Variants in ZNF521 observed in about 807,000 individuals in gnomAD.
The protein encoded by ZNF521 is zinc finger protein 521.
A neutral mutation model predicts 105.5 loss-of-function variants in ZNF521; 14 were observed. That is an observed-to-expected ratio of 0.13 (90% CI 0.09 to 0.21). The LOEUF (loss-of-function observed/expected upper bound fraction) is 0.21. ZNF521 is among the 10% of genes least tolerant of loss of function. ZNF521 has a pLI of 1.00. For synonymous variants in ZNF521, 635 were observed against 606.0 expected, an observed-to-expected ratio of 1.05 and a Z score of -0.70; for missense variants, 1,233 against 1,629.7, an observed-to-expected ratio of 0.76 and a Z score of 4.19.
At chr18:25,292,311 A>G (rs1231060897) in intron 3 of ZNF521, among the ~76,000 whole-genome samples, 1 of 152,172 alleles carries the variant, frequency 6.6e-6, no homozygotes, top group African/African-American at 2.4e-5. Flanking sequence ...ATTTCATTTC[A>G]TCATTATTTG....
chr18:25,132,286 T>C (rs2034654691), intron 5 of ZNF521, among the ~76,000 whole-genome samples: 1 of 152,212 alleles, frequency 6.6e-6, no homozygotes, highest in East Asian at 1.9e-4. Flanking sequence ...AGCAGACTAG[T>C]GTTTTATAAC....
chr18:25,119,992 G>A (rs975951622), intron 5 of ZNF521, among the ~76,000 whole-genome samples: 3 of 152,084 alleles, frequency 2.0e-5, no homozygotes, highest in Admixed American at 1.3e-4. Flanking sequence ...CGAATAAGTG[G>A]CACTATTAAT....
At chr18:25,278,694 TAAAGTG>T (rs1489042815) in intron 3 of ZNF521, among the ~76,000 whole-genome samples, 4 of 152,212 alleles carry the variant, frequency 2.6e-5, no homozygotes, top group Non-Finnish European at 5.9e-5. Flanking sequence ...CACTGTAATT[TAAAGTG>T]AAAGCAGTCA....
At chr18:25,139,008 A>G (rs890095393) in intron 5 of ZNF521, among the ~76,000 whole-genome samples, 1 of 152,178 alleles carries the variant, frequency 6.6e-6, no homozygotes, top group Non-Finnish European at 1.5e-5. Flanking sequence ...ACTCTTTTCT[A>G]TATCAAGAAG....
intron 5 of ZNF521, among the ~76,000 whole-genome samples, chr18:25,095,551 A>G (rs2033834263): frequency 6.6e-6 from 1 of 152,104 alleles, no homozygotes; most frequent in Non-Finnish European, 1.5e-5. Context: ...TTGCTTATCT[A>G]TATTCTCCAG....
At chr18:25,162,851 AG>A (rs1310476885) in intron 5 of ZNF521, among the ~76,000 whole-genome samples, 1 of 152,178 alleles carries the variant, frequency 6.6e-6, no homozygotes, top group Non-Finnish European at 1.5e-5. Context: ...ATCTTACAGG[AG>A]GCATTAGGTT....
chr18:25,090,433 C>T (rs140118402), intron 6 of ZNF521, among the ~76,000 whole-genome samples: 18 of 152,252 alleles, frequency 1.2e-4, no homozygotes, highest in African/African-American at 4.3e-4. Context: ...GAATATTGTT[C>T]TTGTGAGTCA....
intron 5 of ZNF521, among the ~76,000 whole-genome samples, chr18:25,114,678 C>G (rs1600049814): frequency 6.6e-6 from 1 of 152,230 alleles, no homozygotes; most frequent in South Asian, 2.1e-4. Flanking sequence ...AAGCAAACAC[C>G]TACCACACAA....
chr18:25,295,651 A>G (rs1229241756), intron 3 of ZNF521, among the ~76,000 whole-genome samples: 1 of 152,204 alleles, frequency 6.6e-6, no homozygotes, highest in Non-Finnish European at 1.5e-5. Flanking sequence ...AAAATGATAA[A>G]TAAAATACAT....
rs568606123 is a variant in ZNF521, at chr18:25,246,628, T to A, written c.221-18931A>T. 3.3e-5 allele frequency among the ~76,000 whole-genome samples: 5 copies of A among 152,322 alleles called. No individual in the cohort carries two copies. The East Asian group carries it at 7.7e-4, about 24-fold the overall frequency. Reference sequence around the variant, plus strand: ...TTCTTCTTTCCACCACCCTCCACCCTCTCTTAAAGTAACATTTTGCTTTCT... The same window carrying A: ...TTCTTCTTTCCACCACCCTCCACCCACTCTTAAAGTAACATTTTGCTTTCT... On this transcript the variant is annotated intron_variant, in intron 3 of 7. Transcript: ENST00000361524.
At chr18:25,167,959 C>T (rs964542531) in intron 5 of ZNF521, among the ~76,000 whole-genome samples, 5 of 152,288 alleles carry the variant, frequency 3.3e-5, no homozygotes, top group South Asian at 4.1e-4. Context: ...AGGTCACTCG[C>T]ATAAAAGAGG....
In ZNF521 at chr18:25,242,484, T is replaced by C. The variant is rs569606242; in HGVS notation, c.221-14787A>G. Among the ~76,000 whole-genome samples the C allele has an allele frequency of 3.3e-5, 5 of 152,316 alleles. No individual in the cohort carries two copies. In the East Asian group the frequency reaches 9.6e-4, roughly 29 times the overall value. On this transcript the variant is annotated intron_variant, in intron 3 of 7. Transcript: ENST00000361524. Reference sequence around the variant, plus strand: ...CAACTTTCATGGCATATATATTTGCTACATCCTATATATTTTTTTTGCTTG... The same window carrying C: ...CAACTTTCATGGCATATATATTTGCCACATCCTATATATTTTTTTTGCTTG...
At chr18:25,350,185 A>G (rs1353384975) in intron 2 of ZNF521, among the ~76,000 whole-genome samples, 1 of 152,164 alleles carries the variant, frequency 6.6e-6, no homozygotes, top group Non-Finnish European at 1.5e-5. Context: ...TTCCCTCTCC[A>G]ACAGGGACGA....
At chr18:25,281,004 C>G (rs1730686737) in intron 3 of ZNF521, among the ~76,000 whole-genome samples, 1 of 152,166 alleles carries the variant, frequency 6.6e-6, no homozygotes, top group African/African-American at 2.4e-5. Context: ...CTAAGCAAAT[C>G]AATCCTTACA....
At chr18:25,297,337 A>G (rs1272855072) in intron 3 of ZNF521, among the ~76,000 whole-genome samples, 1 of 152,170 alleles carries the variant, frequency 6.6e-6, no homozygotes, top group Non-Finnish European at 1.5e-5. Flanking sequence ...TCTAGTAAGT[A>G]TGTGCTAATC....
chr18:25,137,207 T>G (rs1005883289), intron 5 of ZNF521, among the ~76,000 whole-genome samples: 1 of 152,180 alleles, frequency 6.6e-6, no homozygotes, highest in Non-Finnish European at 1.5e-5. Context: ...GCCAAAGCAG[T>G]GTTAAAGAAC....
chr18:25,209,711 C>G (rs2036145093), intron 4 of ZNF521, among the ~76,000 whole-genome samples: 1 of 152,154 alleles, frequency 6.6e-6, no homozygotes, highest in Admixed American at 6.5e-5. Flanking sequence ...GTTGTTAACT[C>G]CCTTGCAATC....
At chr18:25,303,309 T>TGAGA (rs10542663) in intron 3 of ZNF521, among the ~76,000 whole-genome samples, 1 of 128,480 alleles carries the variant, frequency 7.8e-6, no homozygotes, top group Non-Finnish European at 1.7e-5. Flanking sequence ...TGTGTGTGTG[T>TGAGA]GAGAGAGAGA....
At position 25,226,903 on chromosome 18, in the gene ZNF521, T is replaced by C. The variant is rs1425567101; in HGVS notation, c.1015A>G (p.Asn339Asp). ...ACCAGGGAAGGGCTGTTGCTGTGAT[T>C]GCATGACTCCGGTTGCTGGTGACTG... ...MDSHQQPESCNHSNSPSLVTV... is the reference protein window; with the variant it reads ...MDSHQQPESCDHSNSPSLVTV... The change falls in exon 4 of 8, where the codon AAT (asparagine) becomes GAT (aspartate). Residue 339 changes from asparagine (N) to aspartate (D), a missense_variant. By Grantham distance (23) the Asn-to-Asp change is conservative. Around this residue, in one of 6 missense-constraint regions of ZNF521, gnomAD observed 380 missense variants for 478.0 expected, o/e 0.80. Transcript: ENST00000361524. This position sits in a 1 kb window ranked among gnomAD's most constrained non-coding sequence, Gnocchi z 4.1. The C allele has an allele frequency of 6.2e-7, 1 of 1,613,982 alleles. No individual in the cohort carries two copies. The highest frequency in any genetic ancestry group is 8.5e-7 in the Non-Finnish European group (1 of 1,180,016).
Sources: gnomAD v4.1 joint callset for allele counts (sites outside exome capture counted in the v4.1 genomes callset) on GRCh38, gnomAD v4.1.1 for gene constraint, gnomAD v4.1.1 regional missense constraint, Gnocchi (gnomAD v3.1) non-coding constraint, MANE v1.5 for transcripts, NCBI Gene and HGNC (gene_info 2026-07-23, HGNC 2026-07-21) for gene names.